CTNNA2: variants seen among roughly 807,000 people sequenced by gnomAD.
CTNNA2 encodes the protein catenin alpha 2.
A neutral mutation model predicts 101.0 loss-of-function variants in CTNNA2; 42 were observed. That is an observed-to-expected ratio of 0.42 (90% CI 0.32 to 0.54). The LOEUF is 0.54. Ranked by LOEUF, CTNNA2 falls within the 20% of genes least tolerant of loss-of-function variation. The probability of loss-of-function intolerance (pLI) is 0.14; values close to 1 mark genes in which losing one functional copy is unlikely to be tolerated. For missense variants in CTNNA2, 871 were observed against 1,223.1 expected, an observed-to-expected ratio of 0.71 and a Z score of 4.29; for synonymous variants, 450 against 456.4, an observed-to-expected ratio of 0.99 and a Z score of 0.18.
chr2:79,263,851 T>C (rs183941337), intron 2 of CTNNA2, among the ~76,000 whole-genome samples: 3 of 152,300 alleles, frequency 2.0e-5, no homozygotes, highest in African/African-American at 7.2e-5. Context: ...GTGAGCCAAA[T>C]ACATTTCTAT....
intron 7 of CTNNA2, among the ~76,000 whole-genome samples, chr2:80,210,792 G>A (rs969488174): frequency 7.2e-5 from 11 of 152,148 alleles, no homozygotes; most frequent in African/African-American, 2.7e-4. Context: ...AATCGCCACA[G>A]TGTCTTCCAC....
At chr2:80,607,861 G>A (rs1259432268) in intron 16 of CTNNA2, among the ~76,000 whole-genome samples, 4 of 151,830 alleles carry the variant, frequency 2.6e-5, no homozygotes, top group African/African-American at 9.7e-5. Flanking sequence ...CATAGTGAAA[G>A]TTGAAGGAAA....
intron 7 of CTNNA2, among the ~76,000 whole-genome samples, chr2:79,942,472 C>T (rs961004117): frequency 6.6e-5 from 10 of 152,130 alleles, no homozygotes; most frequent in Admixed American, 5.9e-4. Context: ...AAAGGGAAAA[C>T]ATTATTGTAA....
intron 2 of CTNNA2, among the ~76,000 whole-genome samples, chr2:79,711,123 G>A (rs1029889483): frequency 5.3e-5 from 8 of 152,202 alleles, no homozygotes; most frequent in African/African-American, 1.9e-4. Flanking sequence ...TTGTGTAGCT[G>A]TAAAGTGGAA....
At chr2:79,590,611 C>A (rs1412416203) in intron 1 of CTNNA2, among the ~76,000 whole-genome samples, 1 of 152,056 alleles carries the variant, frequency 6.6e-6, no homozygotes, top group Non-Finnish European at 1.5e-5. Flanking sequence ...ACGCTTTCGT[C>A]CTTTATTAAA....
At chr2:80,524,874 G>GCTCT (rs1689892674) in intron 9 of CTNNA2, among the ~76,000 whole-genome samples, 1 of 152,020 alleles carries the variant, frequency 6.6e-6, no homozygotes, top group African/African-American at 2.4e-5. Flanking sequence ...GACTTCATTC[G>GCTCT]CTCTTTTATG....
At chr2:79,258,845 CAAAAAAAAAAAAAAA>C (rs869066159) in intron 2 of CTNNA2, among the ~76,000 whole-genome samples, 2 of 91,374 alleles carry the variant, frequency 2.2e-5, no homozygotes, top group African/African-American at 4.7e-5. Context: ...AATCCTCTAC[CAAAAAAAAAAAAAAA>C]AAAAAAAAAA....
chr2:80,403,204 A>G (rs1351384286), intron 8 of CTNNA2, among the ~76,000 whole-genome samples: 6 of 152,196 alleles, frequency 3.9e-5, no homozygotes, highest in African/African-American at 1.2e-4. Context: ...TGTATTTACA[A>G]TGTTGCTGTT....
intron 4 of CTNNA2, among the ~76,000 whole-genome samples, chr2:79,502,329 A>G (rs544267745): frequency 2.4e-4 from 36 of 152,352 alleles, no homozygotes; most frequent in African/African-American, 8.7e-4. Context: ...ACACAACATC[A>G]GACTTTAATG....
At chr2:80,068,839 T>G (rs1305454748) in intron 7 of CTNNA2, among the ~76,000 whole-genome samples, 2 of 152,176 alleles carry the variant, frequency 1.3e-5, no homozygotes, top group Admixed American at 6.5e-5. Context: ...CTTATACCCC[T>G]GACTAGTGGC....
At chr2:79,758,166 G>A (rs765690280) in intron 3 of CTNNA2, among the ~76,000 whole-genome samples, 1 of 152,034 alleles carries the variant, frequency 6.6e-6, no homozygotes. Context: ...AATACTCTAC[G>A]TTAACACATA....
intron 1 of CTNNA2, among the ~76,000 whole-genome samples, chr2:79,530,779 G>T (rs935733558): frequency 1.3e-5 from 2 of 152,046 alleles, no homozygotes; most frequent in African/African-American, 4.8e-5. Flanking sequence ...ATATTTAGCA[G>T]ACTTGGATGC....
At chr2:80,585,588 C>G (rs909128138) in intron 14 of CTNNA2, among the ~76,000 whole-genome samples, 2 of 152,086 alleles carry the variant, frequency 1.3e-5, no homozygotes, top group Non-Finnish European at 2.9e-5. Context: ...AGGGAATGAA[C>G]AATTGCATGT....
intron 7 of CTNNA2, among the ~76,000 whole-genome samples, chr2:80,033,428 C>G (rs1221776201): frequency 6.6e-6 from 1 of 151,850 alleles, no homozygotes; most frequent in East Asian, 1.9e-4. Flanking sequence ...TAGAAATTAG[C>G]CAGGCTTGGT....
intron 14 of CTNNA2, among the ~76,000 whole-genome samples, chr2:80,585,704 A>G (rs777159630): frequency 6.6e-6 from 1 of 152,230 alleles, no homozygotes; most frequent in Non-Finnish European, 1.5e-5. Flanking sequence ...TTACATTGAT[A>G]AGACCTAATT....
At chr2:80,013,448 G>A (rs1693923922) in intron 7 of CTNNA2, among the ~76,000 whole-genome samples, 3 of 152,090 alleles carry the variant, frequency 2.0e-5, no homozygotes, top group African/African-American at 7.2e-5. Context: ...TTTTTAAATT[G>A]TTCTTCAGCT....
intron 7 of CTNNA2, among the ~76,000 whole-genome samples, chr2:80,267,577 C>G (rs1448283920): frequency 6.6e-6 from 1 of 152,072 alleles, no homozygotes; most frequent in Non-Finnish European, 1.5e-5. Flanking sequence ...GAAATTGCCA[C>G]CTGGATGGGA....
intron 1 of CTNNA2, among the ~76,000 whole-genome samples, chr2:79,549,344 C>G (rs1673941048): frequency 6.6e-6 from 1 of 152,184 alleles, no homozygotes; most frequent in African/African-American, 2.4e-5. Flanking sequence ...GTGGAATGAG[C>G]TTAATGCAAA....
intron 7 of CTNNA2, among the ~76,000 whole-genome samples, chr2:80,114,969 G>C (rs1416651592): frequency 6.6e-6 from 1 of 152,158 alleles, no homozygotes; most frequent in African/African-American, 2.4e-5. Flanking sequence ...CATGAGGTTG[G>C]CATTATCAGA....
Sources: gnomAD v4.1 joint callset for allele counts (sites outside exome capture counted in the v4.1 genomes callset) on GRCh38, gnomAD v4.1.1 for gene constraint, MANE v1.5 for transcripts, NCBI Gene and HGNC (gene_info 2026-07-23, HGNC 2026-07-21) for gene names.